Variants in CCDC112 observed in about 807,000 individuals in gnomAD.
CCDC112 encodes coiled-coil domain containing 112.
Under a neutral mutation model 66.3 loss-of-function variants are expected in CCDC112, and 40 were observed. The ratio of observed to expected loss-of-function variants is 0.60; its 90% confidence interval spans 0.47 to 0.79. The LOEUF (loss-of-function observed/expected upper bound fraction) is 0.79. CCDC112 is among the 30% of genes least tolerant of loss of function. The pLI, the probability that CCDC112 is intolerant of heterozygous loss-of-function variation, is 0.00. For synonymous variants in CCDC112, 214 were observed against 197.2 expected (o/e 1.09, Z -0.71); for missense variants, 659 against 603.8 (o/e 1.09, Z -0.96).
At chr5:115,281,029 T>C (rs1477403042) in intron 2 of CCDC112, among the ~76,000 whole-genome samples, 1 of 149,752 alleles carries the variant, frequency 6.7e-6, no homozygotes, top group Non-Finnish European at 1.5e-5. Context: ...TAGAGAATTT[T>C]TTTTTTTTTT....
chr5:115,277,203 T>C, intron 3 of CCDC112, 149 bp from the exon 4 acceptor site: 1 of 541,320 alleles, frequency 1.8e-6, no homozygotes, highest in Non-Finnish European at 3.3e-6. Flanking sequence ...CATTAATACT[T>C]TAAGTACCTT....
intron 6 of CCDC112, among the ~76,000 whole-genome samples, chr5:115,273,539 A>G (rs923917900): frequency 1.3e-5 from 2 of 152,158 alleles, no homozygotes; most frequent in African/African-American, 2.4e-5. Context: ...TCCTGCTCAT[A>G]TCGTATCAAA....
chr5:115,296,079 C>A, intron 1 of CCDC112: 1 of 1,026,360 alleles, frequency 9.7e-7, no homozygotes. Context: ...GTGCCAGGGG[C>A]TCCCCAGACA....
intron 2 of CCDC112, among the ~76,000 whole-genome samples, chr5:115,282,583 A>T (rs934189852): frequency 2.0e-5 from 3 of 151,196 alleles, no homozygotes; most frequent in African/African-American, 4.9e-5. Flanking sequence ...CATACACTTT[A>T]AAAAAAAATG....
At chr5:115,278,674 CA>C (rs771312474) in intron 3 of CCDC112, among the ~76,000 whole-genome samples, 2 of 151,990 alleles carry the variant, frequency 1.3e-5, no homozygotes, top group East Asian at 3.8e-4. Context: ...AATATTGAAT[CA>C]GGGGTGTCTC....
intron 3 of CCDC112, among the ~76,000 whole-genome samples, chr5:115,277,795 TA>T (rs1322048954): frequency 1.3e-5 from 2 of 152,212 alleles, no homozygotes; most frequent in African/African-American, 2.4e-5. Flanking sequence ...AATATTTACT[TA>T]AATTACTAGG....
chr5:115,282,523 T>C (rs1225841161), intron 2 of CCDC112, among the ~76,000 whole-genome samples: 3 of 152,128 alleles, frequency 2.0e-5, no homozygotes, highest in East Asian at 1.9e-4. Context: ...TACCTAACTA[T>C]AATGCCATTA....
At chr5:115,293,802 T>C (rs1289264754) in intron 1 of CCDC112, among the ~76,000 whole-genome samples, 1 of 152,204 alleles carries the variant, frequency 6.6e-6, no homozygotes, top group Admixed American at 6.5e-5. Context: ...AAGGGTTATT[T>C]CAGGCAGCCA....
chr5:115,296,223 T>C (rs2127082426), intron 1 of CCDC112: 1 of 1,280,388 alleles, frequency 7.8e-7, no homozygotes, highest in African/African-American at 1.5e-5. Flanking sequence ...CAGGTCTTCC[T>C]CGACTCCGAA....
chr5:115,295,502 A>T (rs546970691), intron 1 of CCDC112, among the ~76,000 whole-genome samples: 1 of 152,356 alleles, frequency 6.6e-6, no homozygotes, highest in South Asian at 2.1e-4. Flanking sequence ...GTCTACGAGT[A>T]AAGACACTGT....
At chr5:115,280,976 T>C (rs1749429119) in intron 2 of CCDC112, among the ~76,000 whole-genome samples, 1 of 151,994 alleles carries the variant, frequency 6.6e-6, no homozygotes. Context: ...GAGGCAACTA[T>C]CTATACCGTA....
intron 1 of CCDC112, 125 bp from the exon 2 acceptor site, chr5:115,285,033 C>CT: frequency 5.4e-6 from 4 of 746,946 alleles, no homozygotes; most frequent in Non-Finnish European, 8.7e-6. Context: ...GCCAATCTCA[C>CT]TTAACTCTTA....
At position 115,279,916 on chromosome 5, in the gene CCDC112, A is replaced by T. The variant is rs1391124494; in HGVS notation, c.240-148T>A. ...ATTACTTTGGTTAATAAGGCTAAGG[A>T]ATCAAAACATTAGTCAAAATAATAG... is the stretch of plus-strand genomic sequence containing the variant. On this transcript the variant is annotated intron_variant, in intron 2 of 9. Coordinates refer to ENST00000379611, the MANE Select transcript of CCDC112 (RefSeq NM_001040440.3). 3 of 543,568 alleles carry T rather than the reference A, an allele frequency of 5.5e-6. No homozygotes were observed. In the East Asian group the frequency reaches 9.4e-5, roughly 17 times the overall value. 33.7% of individuals were successfully genotyped at this position (543,568 alleles called of 1,614,324 possible). A position where few individuals can be genotyped will look rare whatever the true frequency, so the allele number is the denominator to read the frequency against.
At chr5:115,285,039 T>A (rs545271594) in intron 1 of CCDC112, 131 bp from the exon 2 acceptor site, 212 of 698,884 alleles carry the variant, frequency 3.0e-4, no homozygotes, top group Admixed American at 5.6e-4. Flanking sequence ...CTCACTTAAC[T>A]CTTAAAAGTA....
chr5:115,279,524 C>T, intron 3 of CCDC112, 123 bp downstream of exon 3: 5 of 972,360 alleles, frequency 5.1e-6, no homozygotes, highest in Non-Finnish European at 7.8e-6. Context: ...ATAACACAGT[C>T]AATAGAGAAC....
chr5:115,269,620 A>G, intron 8 of CCDC112, 83 bp downstream of exon 8: 2 of 926,662 alleles, frequency 2.2e-6, no homozygotes, highest in South Asian at 1.6e-5. Context: ...GGTGAGATAT[A>G]AAGGAAATAG....
intron 8 of CCDC112, 115 bp downstream of exon 8, chr5:115,269,588 A>C: frequency 4.3e-6 from 3 of 694,184 alleles, no homozygotes; most frequent in Non-Finnish European, 7.0e-6. Context: ...TATGAAATTT[A>C]AAGTAGATGT....
At position 115,279,541 on chromosome 5, in the gene CCDC112, T is replaced by C; in HGVS notation, c.361+106A>G. On this transcript the variant is annotated intron_variant, in intron 3 of 9. Transcript: ENST00000379611. ...AACACAGTCAATAGAGAACTGACTC[T>C]ATTGATAGAGAACACAATACAGTCA... 12 of 1,163,564 alleles carry C rather than the reference T, an allele frequency of 1.0e-5. No homozygotes were observed. The South Asian group carries it at 1.3e-4, about 12-fold the overall frequency. 72.1% of individuals were successfully genotyped at this position (1,163,564 alleles called of 1,614,324 possible). A position where few individuals can be genotyped will look rare whatever the true frequency, so the allele number is the denominator to read the frequency against.
In CCDC112 at chr5:115,290,881, T is replaced by C. The variant is rs72813852; in HGVS notation, c.117+5546A>G. 3.3e-4 allele frequency among the ~76,000 whole-genome samples: 50 copies of C among 152,202 alleles called. No homozygotes were observed. The East Asian group carries it at 7.9e-3, about 24-fold the overall frequency. ...TTATTAGTTTTCTAGTAAGTTTTTT[T>C]TGTGTGTGTGTGAATCCCTTAGAAT... On this transcript the variant is annotated intron_variant, in intron 1 of 9. Transcript: ENST00000379611.
Sources: gnomAD v4.1 joint callset for allele counts (sites outside exome capture counted in the v4.1 genomes callset) on GRCh38, gnomAD v4.1.1 for gene constraint, MANE v1.5 for transcripts, NCBI Gene and HGNC (gene_info 2026-07-23, HGNC 2026-07-21) for gene names.